EHMT1: variants seen among roughly 807,000 people sequenced by gnomAD.
EHMT1 encodes the protein euchromatic histone lysine methyltransferase 1, also known as histone-lysine N-methyltransferase EHMT1.
A neutral mutation model predicts 147.2 loss-of-function variants in EHMT1; 15 were observed. The ratio of observed to expected loss-of-function variants is 0.10; its 90% CI spans 0.07 to 0.16. The LOEUF (loss-of-function observed/expected upper bound fraction) is 0.16, where lower values mean the gene tolerates loss of function less well. EHMT1 is among the 10% of genes least tolerant of loss of function. The pLI is 1.00. For synonymous variants in EHMT1, 795 were observed against 709.6 expected, an observed-to-expected ratio of 1.12 and a Z score of -1.91; for missense variants, 1,587 against 1,772.4, an observed-to-expected ratio of 0.90 and a Z score of 1.88.
At position 137,731,575 on chromosome 9, in the gene EHMT1, G is replaced by A. The variant is rs1947112834; in HGVS notation, c.823+3046G>A. ...TTTACAACAGTGTCCATACAGAGCA[G>A]GAATCGGGGTACGTCCTATCCTGTT... is the stretch of plus-strand genomic sequence containing the variant. On this transcript the variant is annotated intron_variant, in intron 4 of 26. Transcript: ENST00000460843. This position sits in a 1 kb window ranked among gnomAD's most constrained non-coding sequence, Gnocchi z 4.3. Among the ~76,000 whole-genome samples the A allele has an allele frequency of 6.6e-6, 1 of 152,192 alleles. No individual in the cohort carries two copies. Among genetic ancestry groups the A allele is most frequent in the Non-Finnish European group, 1.5e-5 (1 of 68,038 alleles).
At chr9:137,685,241 A>G (rs1942327934) in intron 1 of EHMT1, 1 of 152,206 alleles carries the variant, frequency 6.6e-6, no homozygotes, top group African/African-American at 2.4e-5. Context: ...CTCTGTATCC[A>G]TTAAACAGTA....
intron 14 of EHMT1, 74 bp downstream of exon 14, chr9:137,779,791 C>G (rs879358809): frequency 6.6e-7 from 1 of 1,525,276 alleles, no homozygotes; most frequent in Admixed American, 1.7e-5. Flanking sequence ...GCAGTTGTTA[C>G]TCCTTCCTCA....
intron 10 of EHMT1, among the ~76,000 whole-genome samples, chr9:137,765,707 TC>T (rs1950174580): frequency 7.0e-6 from 1 of 142,494 alleles, no homozygotes; most frequent in African/African-American, 2.6e-5. Context: ...CTTGTGTTCT[TC>T]CCGGCAGCCC....
chr9:137,697,823 A>G (rs766606014), intron 1 of EHMT1, among the ~76,000 whole-genome samples: 14 of 152,204 alleles, frequency 9.2e-5, no homozygotes, highest in Non-Finnish European at 1.6e-4. Context: ...TCTCCCCGTT[A>G]AGTTTTCCGT....
At chr9:137,757,288 G>A (rs1253291926) in intron 8 of EHMT1, among the ~76,000 whole-genome samples, 1 of 152,230 alleles carries the variant, frequency 6.6e-6, no homozygotes, top group African/African-American at 2.4e-5. Flanking sequence ...ACAGCACCCT[G>A]CTCCCTGGCA....
In EHMT1 at chr9:137,776,581, T is replaced by TTTCTAAATAATTTC. The variant is rs759334819; in HGVS notation, c.1792-36_1792-35insTCTAAATAATTTCT. 1 of 1,611,264 alleles carries TTTCTAAATAATTTC rather than the reference T, an allele frequency of 6.2e-7. No homozygotes were observed. Among genetic ancestry groups the TTTCTAAATAATTTC allele is most frequent in the Non-Finnish European group, 8.5e-7 (1 of 1,178,050 alleles). ...TTATTTTTCTAAATATTAACCCCAA[T>TTTCTAAATAATTTC]TAAAACAAAAATTTTTTTTTGTCCT... is the stretch of plus-strand genomic sequence containing the variant. On this transcript the variant is annotated intron_variant, in intron 11 of 26. Coordinates refer to ENST00000460843, the MANE Select transcript of EHMT1 (RefSeq NM_024757.5). The surrounding 1 kb of genome is among the most constrained non-coding windows in gnomAD (Gnocchi z 4.4).
chr9:137,770,368 G>A (rs1479119859), intron 10 of EHMT1, among the ~76,000 whole-genome samples: 1 of 152,186 alleles, frequency 6.6e-6, no homozygotes, highest in East Asian at 1.9e-4. Context: ...TTTGTTTCTA[G>A]CGTTTTACGC....
intron 1 of EHMT1, among the ~76,000 whole-genome samples, chr9:137,634,450 A>C (rs1156801953): frequency 6.6e-6 from 1 of 152,144 alleles, no homozygotes; most frequent in Non-Finnish European, 1.5e-5. Context: ...AGTTGAACAT[A>C]AATGTGATGG....
chr9:137,799,522 G>A (rs983149879), intron 17 of EHMT1, among the ~76,000 whole-genome samples: 1 of 152,226 alleles, frequency 6.6e-6, no homozygotes, highest in Non-Finnish European at 1.5e-5. Context: ...GGAGATCAAA[G>A]AAGGGCAGGC....
chr9:137,721,172 C>G (rs1424853460), intron 3 of EHMT1, among the ~76,000 whole-genome samples: 2 of 148,842 alleles, frequency 1.3e-5, no homozygotes, highest in South Asian at 4.3e-4. Flanking sequence ...ACTTCTCACA[C>G]TCACCCCCTC....
intron 1 of EHMT1, among the ~76,000 whole-genome samples, chr9:137,696,805 G>T (rs1337948323): frequency 2.0e-5 from 3 of 152,194 alleles, no homozygotes; most frequent in African/African-American, 4.8e-5. Context: ...AACACAAATG[G>T]CAAGGTGGAA....
intron 1 of EHMT1, among the ~76,000 whole-genome samples, chr9:137,638,888 C>T (rs902710708): frequency 1.3e-5 from 2 of 152,056 alleles, no homozygotes. Flanking sequence ...AGAGCCTGGC[C>T]GAGGCAGGGG....
intron 10 of EHMT1, among the ~76,000 whole-genome samples, chr9:137,770,452 C>T (rs1476866616): frequency 6.6e-6 from 1 of 152,232 alleles, no homozygotes; most frequent in Non-Finnish European, 1.5e-5. Context: ...TGATGTTTCT[C>T]TCTCTTGACA....
At chr9:137,715,966 AAT>A (rs1945182676) in intron 2 of EHMT1, among the ~76,000 whole-genome samples, 1 of 151,906 alleles carries the variant, frequency 6.6e-6, no homozygotes, top group Admixed American at 6.6e-5. Context: ...TATGAAACAA[AAT>A]AATTTTCTGT....
chr9:137,734,527 G>A (rs1156489945), intron 4 of EHMT1, among the ~76,000 whole-genome samples: 1 of 152,202 alleles, frequency 6.6e-6, no homozygotes, highest in Non-Finnish European at 1.5e-5. Context: ...AGGGATTGTG[G>A]GAGTCCAGGA....
At chr9:137,752,516 C>T (rs532903216) in intron 7 of EHMT1, 108 bp downstream of exon 7, 33 of 1,332,650 alleles carry the variant, frequency 2.5e-5, no homozygotes, top group Non-Finnish European at 3.3e-5. Context: ...GAGCGCTCAC[C>T]CATGTGCTTG....
chr9:137,629,549 A>G (rs1261486000), intron 1 of EHMT1, among the ~76,000 whole-genome samples: 1 of 151,774 alleles, frequency 6.6e-6, no homozygotes, highest in Non-Finnish European at 1.5e-5. Flanking sequence ...GCCCACCACC[A>G]TGCCTAGCTA....
At chr9:137,635,822 A>G (rs111275198) in intron 1 of EHMT1, among the ~76,000 whole-genome samples, 15,877 of 151,818 alleles carry the variant, frequency 0.1, 902 homozygotes, top group Middle Eastern at 0.2. Context: ...TGTCTCAAAA[A>G]ACAAAACAAA....
At chr9:137,625,084 A>G (rs79851229) in intron 1 of EHMT1, among the ~76,000 whole-genome samples, 1 of 148,294 alleles carries the variant, frequency 6.7e-6, no homozygotes, top group South Asian at 2.1e-4. Context: ...GTTTCGCCAT[A>G]TTGGCTGGGC....
Sources: gnomAD v4.1 joint callset for allele counts (sites outside exome capture counted in the v4.1 genomes callset) on GRCh38, gnomAD v4.1.1 for gene constraint, Gnocchi (gnomAD v3.1) non-coding constraint, MANE v1.5 for transcripts, NCBI Gene and HGNC (gene_info 2026-07-23, HGNC 2026-07-21) for gene names.